Variants in TMEM132B observed in about 807,000 individuals in gnomAD.
TMEM132B encodes transmembrane protein 132B.
Under a neutral mutation model 90.8 loss-of-function variants are expected in TMEM132B, and 18 were observed. The ratio of observed to expected loss-of-function variants is 0.20; its 90% CI spans 0.14 to 0.29. The LOEUF (loss-of-function observed/expected upper bound fraction) is 0.29. TMEM132B is among the 10% of genes least tolerant of loss of function. The pLI is 1.00. For missense variants in TMEM132B, 1,096 were observed against 1,326.8 expected (o/e 0.83, Z 2.70); for synonymous variants, 504 against 523.3 (o/e 0.96, Z 0.50).
chr12:125,314,578 G>A (rs1251724194), intron 1 of TMEM132B, among the ~76,000 whole-genome samples: 4 of 152,160 alleles, frequency 2.6e-5, no homozygotes, highest in African/African-American at 9.7e-5. Flanking sequence ...GGAAGAGACT[G>A]AGCCAGCAAG....
At chr12:125,428,030 C>T (rs943187991) in intron 3 of TMEM132B, among the ~76,000 whole-genome samples, 3 of 150,588 alleles carry the variant, frequency 2.0e-5, no homozygotes, top group South Asian at 4.2e-4. Context: ...GAAGGTCTCT[C>T]TGTGTTACCC....
At chr12:125,405,866 A>G (rs932214446) in intron 2 of TMEM132B, among the ~76,000 whole-genome samples, 4 of 152,204 alleles carry the variant, frequency 2.6e-5, no homozygotes, top group African/African-American at 7.2e-5. Context: ...AAGCTCAGCT[A>G]TTATAATCCA....
chr12:125,584,256 C>T (rs1885125644), intron 5 of TMEM132B: 1 of 483,544 alleles, frequency 2.1e-6, no homozygotes, highest in African/African-American at 1.9e-5. Context: ...TATTCTCCTC[C>T]CCTTCTTGTC....
intron 4 of TMEM132B, among the ~76,000 whole-genome samples, chr12:125,564,188 C>T (rs537098569): frequency 9.9e-5 from 15 of 152,208 alleles, no homozygotes; most frequent in South Asian, 8.3e-4. Context: ...TTCATGAGAG[C>T]GAGGGCAACA....
intron 4 of TMEM132B, among the ~76,000 whole-genome samples, chr12:125,576,692 A>G (rs1174616104): frequency 6.6e-6 from 1 of 152,010 alleles, no homozygotes; most frequent in East Asian, 1.9e-4. Flanking sequence ...GATTTTGTCA[A>G]ATGCTTTTTT....
chr12:125,631,156 T>C (rs1267962474), intron 5 of TMEM132B, among the ~76,000 whole-genome samples: 2 of 152,142 alleles, frequency 1.3e-5, no homozygotes, highest in Non-Finnish European at 2.9e-5. Context: ...TTTCTTTTGC[T>C]GTATGCCATA....
chr12:125,268,725 A>G (rs1331133015), intron 1 of TMEM132B, among the ~76,000 whole-genome samples: 1 of 152,246 alleles, frequency 6.6e-6, no homozygotes, highest in Non-Finnish European at 1.5e-5. Flanking sequence ...GGGAGGAGAC[A>G]TTTTATTCTA....
chr12:125,650,579 C>A (rs1203137498), intron 6 of TMEM132B, 104 bp from the exon 7 acceptor site: 2 of 1,362,206 alleles, frequency 1.5e-6, no homozygotes, highest in Non-Finnish European at 2.0e-6. Flanking sequence ...GGAGAAGGAC[C>A]ATTTCATTTC....
intron 1 of TMEM132B, among the ~76,000 whole-genome samples, chr12:125,227,021 T>C (rs529719361): frequency 3.9e-4 from 60 of 152,332 alleles, no homozygotes; most frequent in Admixed American, 3.5e-3. Context: ...CCATTTTCAC[T>C]TAAGGATGTT....
intron 5 of TMEM132B, among the ~76,000 whole-genome samples, chr12:125,616,183 G>A (rs1258971477): frequency 1.4e-5 from 2 of 147,378 alleles, no homozygotes; most frequent in African/African-American, 5.0e-5. Context: ...GTGAGAACAT[G>A]CGGTGTTTGG....
At chr12:125,461,853 A>G (rs1300542800) in intron 3 of TMEM132B, among the ~76,000 whole-genome samples, 13 of 152,212 alleles carry the variant, frequency 8.5e-5, no homozygotes, top group Non-Finnish European at 1.6e-4. Context: ...ACCTTGAGTT[A>G]GGAAAGCTGC....
At chr12:125,545,672 C>T (rs1035561612) in intron 4 of TMEM132B, among the ~76,000 whole-genome samples, 4 of 152,280 alleles carry the variant, frequency 2.6e-5, no homozygotes, top group East Asian at 1.9e-4. Context: ...TTTGCTAGAA[C>T]GTTTGAAGGA....
chr12:125,381,670 CTGTG>C (rs138043152), intron 2 of TMEM132B, among the ~76,000 whole-genome samples: 1 of 150,014 alleles, frequency 6.7e-6, no homozygotes, highest in Non-Finnish European at 1.5e-5. Flanking sequence ...GTGTCTACTA[CTGTG>C]TGTGTGTGTG....
intron 3 of TMEM132B, among the ~76,000 whole-genome samples, chr12:125,515,658 C>T (rs1329213164): frequency 6.6e-6 from 1 of 151,110 alleles, no homozygotes; most frequent in African/African-American, 2.4e-5. Flanking sequence ...ACACCCCCTT[C>T]ACACATTCTT....
chr12:125,494,516 C>T (rs1405198399), intron 3 of TMEM132B, among the ~76,000 whole-genome samples: 3 of 136,842 alleles, frequency 2.2e-5, no homozygotes, highest in East Asian at 4.9e-4. Context: ...TGTCCCTGCT[C>T]CCCCTCCTCC....
Position 125,233,453 on chromosome 12 carries a change from T to A in TMEM132B, c.67+46587T>A, listed in dbSNP as rs541183350. Among the ~76,000 whole-genome samples the A allele has an allele frequency of 1.6e-4, 25 of 152,308 alleles. No individual in the cohort carries two copies. In the South Asian group the frequency reaches 5.2e-3, roughly 32 times the overall value. Reference sequence around the variant, plus strand: ...GCCCTGGAGGAAGCAGATGTCCCAATAGCCATTTTGACTGTTTTTAAGCTG... The same window carrying A: ...GCCCTGGAGGAAGCAGATGTCCCAAAAGCCATTTTGACTGTTTTTAAGCTG... On this transcript the variant is annotated intron_variant, in intron 1 of 8. Coordinates refer to ENST00000682704, the MANE Select transcript of TMEM132B (RefSeq NM_001366854.1).
At chr12:125,345,188 C>G (rs997095612) in intron 1 of TMEM132B, among the ~76,000 whole-genome samples, 7 of 152,174 alleles carry the variant, frequency 4.6e-5, no homozygotes, top group Non-Finnish European at 1.0e-4. Context: ...CTTTCCACAC[C>G]TGGCTCTCGA....
At chr12:125,494,396 A>C (rs1882461000) in intron 3 of TMEM132B, among the ~76,000 whole-genome samples, 1 of 116,170 alleles carries the variant, frequency 8.6e-6, no homozygotes, top group Non-Finnish European at 1.7e-5. Flanking sequence ...CCTCCCCTAA[A>C]ATGGATGCAT....
At chr12:125,328,931 C>G (rs1341015619) in intron 1 of TMEM132B, among the ~76,000 whole-genome samples, 1 of 152,294 alleles carries the variant, frequency 6.6e-6, no homozygotes, top group East Asian at 1.9e-4. Flanking sequence ...GCTCTATCCT[C>G]CCTGCAACTT....
Sources: allele counts gnomAD v4.1 joint callset (sites outside exome capture counted in the v4.1 genomes callset), GRCh38; gene constraint gnomAD v4.1.1; transcripts MANE v1.5; gene names NCBI Gene and HGNC (gene_info 2026-07-23, HGNC 2026-07-21).